Variants in IQCK observed in about 807,000 individuals in gnomAD.
The protein encoded by IQCK is IQ motif containing K.
In IQCK, 29 loss-of-function variants were observed where a neutral mutation model predicts 28.1. That is an observed-to-expected ratio of 1.03 (90% CI 0.77 to 1.41). IQCK has a LOEUF of 1.41. IQCK is among the 40% of genes most tolerant of loss of function. IQCK has a pLI of 0.00. For missense variants in IQCK, 359 were observed against 314.7 expected (o/e 1.14, Z -1.07); for synonymous variants, 113 against 115.1 (o/e 0.98, Z 0.12).
chr16:19,813,552 A>T (rs1399595200), intron 7 of IQCK, among the ~76,000 whole-genome samples: 1 of 152,218 alleles, frequency 6.6e-6, no homozygotes, highest in Non-Finnish European at 1.5e-5. Context: ...ACCTAGAATT[A>T]TGTGCCTACT....
intron 4 of IQCK, among the ~76,000 whole-genome samples, chr16:19,756,851 C>T (rs1023853967): frequency 6.7e-6 from 1 of 148,502 alleles, no homozygotes; most frequent in South Asian, 2.2e-4. Context: ...GAGCTGAGAT[C>T]GCGCCACTGC....
At position 19,763,780 on chromosome 16, in the gene IQCK, G is replaced by T. The variant is rs2055186508; in HGVS notation, c.475-68G>T. ...TATTGAAAAAAGTCATGTATAAGTA[G>T]ACCTGTGCAGTTCAAATCCATAGTG... On this transcript the variant is annotated intron_variant, in intron 4 of 7. Transcript: ENST00000564186. 2.5e-6 allele frequency: 3 copies of T among 1,192,430 alleles called. No individual in the cohort carries two copies. In the East Asian group the frequency reaches 7.0e-5, roughly 28 times the overall value. 73.9% of individuals were successfully genotyped at this position (1,192,430 alleles called of 1,614,324 possible).
chr16:19,845,414 G>A (rs1039567693), intron 9 of IQCK, among the ~76,000 whole-genome samples: 13 of 152,312 alleles, frequency 8.5e-5, no homozygotes, highest in Admixed American at 2.6e-4. Context: ...TTTGGGCAGC[G>A]GCAGCTGAGA....
chr16:19,837,434 G>A (rs2056312341), intron 9 of IQCK, among the ~76,000 whole-genome samples: 1 of 152,064 alleles, frequency 6.6e-6, no homozygotes, highest in Non-Finnish European at 1.5e-5. Flanking sequence ...GGCTTTGGAG[G>A]GTCTGACAGA....
rs575583112 is a variant in IQCK, at chr16:19,719,431, C to G, written c.181+944C>G. Among the ~76,000 whole-genome samples, 5 of 147,404 alleles carry G rather than the reference C, an allele frequency of 3.4e-5. No homozygotes were observed. In the East Asian group the frequency reaches 1.0e-3, roughly 30 times the overall value. ...TGAAACCCCGTCTCTACTGAAAATA[C>G]AAAAAAAAAATTATCTGGGCGTGGT... On this transcript the variant is annotated intron_variant, in intron 1 of 7. Coordinates refer to ENST00000564186, the Ensembl canonical transcript of IQCK.
chr16:19,740,135 T>C (rs536731997), intron 4 of IQCK, among the ~76,000 whole-genome samples: 319 of 152,334 alleles, frequency 2.1e-3, no homozygotes, highest in Non-Finnish European at 3.0e-3. Context: ...TTTTCATTCA[T>C]AGCTATTTTC....
At position 19,738,824 on chromosome 16, in the gene IQCK, G is replaced by C. The variant is rs191143981; in HGVS notation, c.474+3374G>C. 1.6e-4 allele frequency among the ~76,000 whole-genome samples: 25 copies of C among 152,274 alleles called. No homozygotes were observed. In the East Asian group the frequency reaches 4.8e-3, roughly 29 times the overall value. On this transcript the variant is annotated intron_variant, in intron 4 of 7. Coordinates refer to ENST00000564186, the Ensembl canonical transcript of IQCK. ...CTTCGCCATCTAGAGTCCTTATTCA[G>C]GACTTGGTCCCAGTTCCCAGAAAAA...
chr16:19,722,072 G>C (rs937630234), intron 1 of IQCK, among the ~76,000 whole-genome samples: 3 of 152,064 alleles, frequency 2.0e-5, no homozygotes, highest in African/African-American at 7.3e-5. Context: ...CACAGCCACT[G>C]AGCCAGCTGA....
chr16:19,806,779 G>A (rs746849484), intron 7 of IQCK, among the ~76,000 whole-genome samples: 28 of 147,844 alleles, frequency 1.9e-4, no homozygotes, highest in Non-Finnish European at 2.7e-4. Flanking sequence ...GAAGCAGTCA[G>A]GGGACAGATC....
exon 10 of IQCK, chr16:19,856,651 G>A (rs963050014): frequency 3.9e-5 from 35 of 895,702 alleles, no homozygotes; most frequent in Non-Finnish European, 1.3e-5. Flanking sequence ...AACAAGACTT[G>A]GAACATGTGC....
In IQCK at chr16:19,845,124, G is replaced by A. The variant is rs184520727; in HGVS notation, c.803-11363G>A. 3.3e-4 allele frequency among the ~76,000 whole-genome samples: 50 copies of A among 152,248 alleles called. No individual in the cohort carries two copies. The East Asian group carries it at 6.4e-3, about 19-fold the overall frequency. On this transcript the variant is annotated intron_variant, in intron 9 of 9. Coordinates refer to the IQCK transcript ENST00000320394. ...CTGCCAGTTTAGTTTCTTACTCCTT[G>A]GAGTTTCTTGATGTTAGCCCTATCT...
intron 7 of IQCK, among the ~76,000 whole-genome samples, chr16:19,806,055 A>T (rs2055829612): frequency 6.6e-6 from 1 of 152,296 alleles, no homozygotes; most frequent in African/African-American, 2.4e-5. Flanking sequence ...CATCTCGGCT[A>T]CTATTTTAGA....
intron 9 of IQCK, among the ~76,000 whole-genome samples, chr16:19,834,594 G>T (rs1159971075): frequency 6.6e-6 from 1 of 152,230 alleles, no homozygotes; most frequent in Non-Finnish European, 1.5e-5. Flanking sequence ...TAGTATAGGG[G>T]AGGCTTGGCA....
intron 6 of IQCK, among the ~76,000 whole-genome samples, chr16:19,768,446 T>C (rs1215756609): frequency 1.3e-5 from 2 of 152,144 alleles, no homozygotes; most frequent in African/African-American, 4.8e-5. Flanking sequence ...GATAAACCAG[T>C]ATTCAAATCT....
chr16:19,764,136 A>G lies in IQCK; in HGVS notation c.605+24A>G. On this transcript the variant is annotated intron_variant, in intron 6 of 7. Coordinates refer to ENST00000564186, the Ensembl canonical transcript of IQCK. ...CAGTGAGTATGACACAAGGCTTTGA[A>G]TAATTTATTCCTAATTTAAGATTGT... 1.9e-6 allele frequency: 3 copies of G among 1,544,838 alleles called. No homozygotes were observed. In the South Asian group the frequency reaches 3.4e-5, roughly 18 times the overall value.
At chr16:19,727,751 A>T (rs1597496540) in intron 1 of IQCK, among the ~76,000 whole-genome samples, 1 of 152,322 alleles carries the variant, frequency 6.6e-6, no homozygotes, top group Middle Eastern at 3.4e-3. Context: ...AATCAGACAG[A>T]AGTATAAATG....
rs533828161 is a variant in IQCK at position 19,759,794 on chromosome 16, A to G, written c.475-4054A>G. Among the ~76,000 whole-genome samples, 4 of 152,306 alleles carry G rather than the reference A, an allele frequency of 2.6e-5. No individual in the cohort carries two copies. In the East Asian group the frequency reaches 7.7e-4, roughly 29 times the overall value. On this transcript the variant is annotated intron_variant, in intron 4 of 7. Transcript: ENST00000564186. ...AGAGATTGAGACCAGCTTAGGCAACATAGTGAGACCTCATCTCTACAAAAA... is the reference window on the plus strand; with the variant it reads ...AGAGATTGAGACCAGCTTAGGCAACGTAGTGAGACCTCATCTCTACAAAAA...
chr16:19,846,862 G>A (rs183766474), intron 9 of IQCK, among the ~76,000 whole-genome samples: 77 of 151,076 alleles, frequency 5.1e-4, no homozygotes, highest in Non-Finnish European at 9.1e-4. Context: ...TTTCTATAAT[G>A]TATTGCTCTT....
intron 9 of IQCK, among the ~76,000 whole-genome samples, chr16:19,844,055 C>T (rs2056388925): frequency 6.6e-6 from 1 of 150,510 alleles, no homozygotes; most frequent in Non-Finnish European, 1.5e-5. Flanking sequence ...TATTCATGTA[C>T]AAGGTTTTGT....
Sources: allele counts gnomAD v4.1 joint callset (sites outside exome capture counted in the v4.1 genomes callset), GRCh38; gene constraint gnomAD v4.1.1; transcripts MANE v1.5; gene names NCBI Gene and HGNC (gene_info 2026-07-23, HGNC 2026-07-21).